The following SGCD variants were observed in gnomAD, a reference collection of about 807,000 sequenced individuals.
SGCD encodes the protein delta-sarcoglycan.
In SGCD, 18 loss-of-function variants were observed where a neutral mutation model predicts 36.6. The observed-to-expected ratio is 0.49, with a 90% CI of 0.34 to 0.73. The LOEUF (loss-of-function observed/expected upper bound fraction) is 0.73, where lower values mean the gene tolerates loss of function less well. SGCD is among the 30% of genes least tolerant of loss of function. SGCD has a pLI of 0.01. For synonymous variants in SGCD, 133 were observed against 130.6 expected (o/e 1.02, Z -0.12); for missense variants, 387 against 346.7 (o/e 1.12, Z -0.92).
At chr5:156,602,026 G>T (rs1761214834) in intron 6 of SGCD, among the ~76,000 whole-genome samples, 2 of 152,138 alleles carry the variant, frequency 1.3e-5, no homozygotes, top group African/African-American at 4.8e-5. Flanking sequence ...TCGGTAGAAT[G>T]TTTTGGGTAG....
intron 3 of SGCD, among the ~76,000 whole-genome samples, chr5:156,154,035 T>C (rs1328405923): frequency 6.6e-6 from 1 of 151,602 alleles, no homozygotes; most frequent in Non-Finnish European, 1.5e-5. Flanking sequence ...TCAACCCACT[T>C]TGCCTGCCCC....
rs190692849 is a variant in SGCD, at chr5:156,641,201, A to G, written c.503-6263A>G. On this transcript the variant is annotated intron_variant, in intron 6 of 8. Coordinates refer to ENST00000337851, the MANE Select transcript of SGCD (RefSeq NM_000337.6). Reference sequence around the variant, plus strand: ...GGCATTTCCTGTGGTTAGTTGTCCCATAACTCACTCTTCTACAACTAACAT... The same window carrying G: ...GGCATTTCCTGTGGTTAGTTGTCCCGTAACTCACTCTTCTACAACTAACAT... Among the ~76,000 whole-genome samples the G allele has an allele frequency of 2.4e-3, 359 of 152,354 alleles. 1 individual carries two copies. Among genetic ancestry groups the G allele is most frequent in the African/African-American group, 8.0e-3 (333 of 41,582 alleles).
the SGCD span, among the ~76,000 whole-genome samples, chr5:155,803,377 T>C: frequency 6.6e-6 from 1 of 152,072 alleles, no homozygotes; most frequent in South Asian, 2.1e-4. Flanking sequence ...GTTGGGACCA[T>C]GGAGAGAAGG....
intron 7 of SGCD, among the ~76,000 whole-genome samples, chr5:156,690,944 C>T (rs1433973421): frequency 6.6e-6 from 1 of 152,126 alleles, no homozygotes; most frequent in African/African-American, 2.4e-5. Context: ...CAATGGCTTA[C>T]TCCTGTAATC....
the SGCD span, among the ~76,000 whole-genome samples, chr5:155,808,970 T>C: frequency 2.7e-4 from 41 of 152,330 alleles, no homozygotes; most frequent in African/African-American, 9.9e-4. Flanking sequence ...TTATTACATG[T>C]TTTCATTGCA....
intron 6 of SGCD, among the ~76,000 whole-genome samples, chr5:156,632,329 G>A (rs1162304373): frequency 6.7e-6 from 1 of 149,644 alleles, no homozygotes; most frequent in Non-Finnish European, 1.5e-5. Flanking sequence ...GCCCCAGTAG[G>A]TTTCTGCAAA....
At chr5:156,019,180 A>G (rs1454381049) in intron 1 of SGCD, among the ~76,000 whole-genome samples, 1 of 152,218 alleles carries the variant, frequency 6.6e-6, no homozygotes, top group African/African-American at 2.4e-5. Context: ...ATACTCACAT[A>G]TTTCACATTG....
intron 3 of SGCD, among the ~76,000 whole-genome samples, chr5:156,198,983 A>T (rs1317519649): frequency 2.0e-5 from 3 of 152,174 alleles, no homozygotes; most frequent in African/African-American, 7.2e-5. Context: ...GTGCATGCCA[A>T]CACACCCAGC....
At chr5:155,947,935 A>G (rs904166948) in intron 1 of SGCD, among the ~76,000 whole-genome samples, 3 of 151,648 alleles carry the variant, frequency 2.0e-5, no homozygotes, top group Admixed American at 1.3e-4. Flanking sequence ...ATAAAAGTGA[A>G]AAAAAAAGGA....
chr5:156,289,231 T>C (rs1268642047), intron 3 of SGCD, among the ~76,000 whole-genome samples: 2 of 152,154 alleles, frequency 1.3e-5, no homozygotes, highest in Admixed American at 6.6e-5. Context: ...AAGGATCCTA[T>C]TTAACATCAT....
chr5:155,920,587 G>C (rs1287114350), intron 1 of SGCD, among the ~76,000 whole-genome samples: 1 of 152,164 alleles, frequency 6.6e-6, no homozygotes, highest in African/African-American at 2.4e-5. Context: ...GTATTTAGTT[G>C]CAACCAAGAT....
intron 3 of SGCD, among the ~76,000 whole-genome samples, chr5:156,263,389 G>A (rs1765917238): frequency 6.6e-6 from 1 of 151,904 alleles, no homozygotes; most frequent in East Asian, 1.9e-4. Context: ...GTTGGCCATT[G>A]TATATCTTCT....
At chr5:156,417,584 A>G (rs988268664) in intron 3 of SGCD, among the ~76,000 whole-genome samples, 7 of 152,108 alleles carry the variant, frequency 4.6e-5, no homozygotes, top group African/African-American at 7.2e-5. Flanking sequence ...GTCTGGCAGC[A>G]TTTGATTTCT....
intron 8 of SGCD, 52 bp from the exon 9 acceptor site, chr5:156,759,165 G>A (rs1757446225): frequency 1.4e-6 from 2 of 1,405,588 alleles, no homozygotes; most frequent in Non-Finnish European, 1.0e-6. Context: ...AATGTCAAGA[G>A]AAGAGACGAC....
At chr5:156,495,667 G>A (rs1257341807) in intron 3 of SGCD, among the ~76,000 whole-genome samples, 4 of 152,090 alleles carry the variant, frequency 2.6e-5, no homozygotes, top group African/African-American at 9.7e-5. Flanking sequence ...GGATTGTGAT[G>A]GTAGGAATTT....
chr5:155,878,811 T>A (rs915139508), intron 1 of SGCD, among the ~76,000 whole-genome samples: 1 of 152,160 alleles, frequency 6.6e-6, no homozygotes, highest in Admixed American at 6.5e-5. Flanking sequence ...TGTGAGTATA[T>A]ATAAAATTGG....
chr5:155,770,623 C>A, the SGCD span, among the ~76,000 whole-genome samples: 5 of 152,062 alleles, frequency 3.3e-5, no homozygotes, highest in Non-Finnish European at 5.9e-5. Context: ...GGGTTTGAAG[C>A]AGGGAGGTGA....
chr5:156,668,890 C>T (rs1237397029), intron 7 of SGCD, among the ~76,000 whole-genome samples: 3 of 152,082 alleles, frequency 2.0e-5, no homozygotes, highest in Non-Finnish European at 4.4e-5. Flanking sequence ...AGGGTCATTG[C>T]ATATTTTCAA....
At chr5:155,745,884 T>G in the SGCD span, among the ~76,000 whole-genome samples, 2 of 152,226 alleles carry the variant, frequency 1.3e-5, no homozygotes, top group African/African-American at 4.8e-5. Flanking sequence ...CTTTGGGGAA[T>G]GTAAATTCTC....
Sources: allele counts gnomAD v4.1 joint callset (sites outside exome capture counted in the v4.1 genomes callset), GRCh38; gene constraint gnomAD v4.1.1; transcripts MANE v1.5; gene names NCBI Gene and HGNC (gene_info 2026-07-23, HGNC 2026-07-21).